The following WWOX variants were observed in gnomAD, a reference collection of about 807,000 sequenced individuals.
WWOX encodes the protein WW domain-containing oxidoreductase.
A neutral mutation model predicts 46.2 loss-of-function variants in WWOX; 69 were observed. That is an observed-to-expected ratio of 1.49 (90% confidence interval 1.23 to 1.82). The LOEUF (loss-of-function observed/expected upper bound fraction) is 1.82, where lower values mean the gene tolerates loss of function less well. WWOX is among the 40% of genes most tolerant of loss of function. The probability of loss-of-function intolerance (pLI) is 0.00; values close to 1 mark genes in which losing one functional copy is unlikely to be tolerated. For missense variants in WWOX, 919 were observed against 542.6 expected, an observed-to-expected ratio of 1.69 and a Z score of -6.89; for synonymous variants, 359 against 202.6, an observed-to-expected ratio of 1.77 and a Z score of -6.56.
intron 8 of WWOX, among the ~76,000 whole-genome samples, chr16:78,703,555 G>A (rs2048269925): frequency 6.6e-6 from 1 of 152,046 alleles, no homozygotes; most frequent in Non-Finnish European, 1.5e-5. Context: ...GGAGTTTGAG[G>A]CTGTAGTGAG....
At chr16:78,390,097 C>T (rs753729952) in intron 6 of WWOX, among the ~76,000 whole-genome samples, 39 of 152,142 alleles carry the variant, frequency 2.6e-4, no homozygotes, top group Admixed American at 1.1e-3. Context: ...GAGTGACTTT[C>T]GCAGGGTCAC....
At chr16:78,653,075 T>C (rs2738601) in intron 8 of WWOX, among the ~76,000 whole-genome samples, 1 of 152,332 alleles carries the variant, frequency 6.6e-6, no homozygotes, top group East Asian at 1.9e-4. Context: ...TAATATTTTG[T>C]TGCATGTTCT....
At chr16:78,901,717 G>T (rs1398390993) in intron 8 of WWOX, among the ~76,000 whole-genome samples, 2 of 152,160 alleles carry the variant, frequency 1.3e-5, no homozygotes, top group Non-Finnish European at 2.9e-5. Flanking sequence ...TTGAACTCCT[G>T]TGCTTAAGCG....
chr16:78,347,099 G>A (rs1440388024), intron 5 of WWOX, among the ~76,000 whole-genome samples: 1 of 118,694 alleles, frequency 8.4e-6, no homozygotes, highest in African/African-American at 2.9e-5. Context: ...ATACCACACA[G>A]TTTCATTTTT....
chr16:79,061,304 T>C (rs1283295783), intron 8 of WWOX, among the ~76,000 whole-genome samples: 2 of 152,200 alleles, frequency 1.3e-5, no homozygotes, highest in African/African-American at 2.4e-5. Context: ...TAGTATCTTA[T>C]TATATTAGCC....
intron 8 of WWOX, among the ~76,000 whole-genome samples, chr16:78,527,053 A>T (rs78670686): frequency 1.3e-5 from 2 of 152,156 alleles, no homozygotes; most frequent in African/African-American, 4.8e-5. Flanking sequence ...AATCCCTGCT[A>T]CACAGGAAGC....
At position 78,109,855 on chromosome 16, in the gene WWOX, C is replaced by G. The variant is rs566462389; in HGVS notation, c.230+20C>G. 1 of 1,613,918 alleles carries G rather than the reference C, an allele frequency of 6.2e-7. No homozygotes were observed. The highest frequency in any genetic ancestry group is 8.5e-7 in the Non-Finnish European group (1 of 1,179,904). ...TGTTGAGTAAGTGTCTGCAAAGAAA[C>G]CACTCTCAGCTGTTTTGCTTTTTAA... On this transcript the variant is annotated intron_variant, in intron 3 of 8. Coordinates refer to ENST00000566780, the MANE Select transcript of WWOX (RefSeq NM_016373.4).
At chr16:78,763,523 A>T (rs7198672) in intron 8 of WWOX, among the ~76,000 whole-genome samples, 1 of 151,938 alleles carries the variant, frequency 6.6e-6, no homozygotes, top group African/African-American at 2.4e-5. Context: ...AATTTTTTAC[A>T]TAGAGTATGA....
chr16:78,378,454 G>C (rs963373089), intron 5 of WWOX, among the ~76,000 whole-genome samples: 2 of 152,170 alleles, frequency 1.3e-5, no homozygotes, highest in East Asian at 3.9e-4. Context: ...GCATTTTCCA[G>C]TGAAGATGCG....
At chr16:78,898,402 C>T (rs2044750576) in intron 8 of WWOX, 1 of 152,198 alleles carries the variant, frequency 6.6e-6, no homozygotes, top group Admixed American at 6.5e-5. Flanking sequence ...AAAGACTAAT[C>T]CTCGCGCTAT....
rs183479769 is a variant in WWOX at position 78,418,303 on chromosome 16, G to C, written c.606-6567G>C. Among the ~76,000 whole-genome samples the C allele has an allele frequency of 5.2e-4, 79 of 152,026 alleles. No individual in the cohort carries two copies. The East Asian group carries it at 0.013, about 24-fold the overall frequency. On this transcript the variant is annotated intron_variant, in intron 6 of 8. Transcript: ENST00000566780. The stretch of plus-strand genomic sequence containing the variant: ...GGCGTGAACCCGGGAGGTGGAGCTT[G>C]CAGTGAGCCGAGATTGCACCACTGC...
intron 8 of WWOX, among the ~76,000 whole-genome samples, chr16:79,074,712 T>C (rs1423907697): frequency 6.6e-6 from 1 of 152,080 alleles, no homozygotes; most frequent in Non-Finnish European, 1.5e-5. Context: ...TTTATCCTCT[T>C]CTTCCCTCTA....
chr16:79,010,518 C>G (rs917494669), intron 8 of WWOX, among the ~76,000 whole-genome samples: 1 of 152,070 alleles, frequency 6.6e-6, no homozygotes, highest in Non-Finnish European at 1.5e-5. Flanking sequence ...AGGGAATAAG[C>G]CAGATTAAAG....
intron 5 of WWOX, among the ~76,000 whole-genome samples, chr16:78,299,242 G>C (rs1399918773): frequency 6.6e-6 from 1 of 152,138 alleles, no homozygotes; most frequent in Non-Finnish European, 1.5e-5. Context: ...ACATGTCTGT[G>C]TCACCTGGCA....
In WWOX at chr16:78,933,221, C is replaced by G. The variant is rs554987235; in HGVS notation, c.1057-278387C>G. Among the ~76,000 whole-genome samples the G allele has an allele frequency of 5.8e-4, 88 of 152,280 alleles. 1 individual carries two copies. Among genetic ancestry groups the G allele is most frequent in the Admixed American group, 3.9e-3 (60 of 15,296 alleles). On this transcript the variant is annotated intron_variant, in intron 8 of 8. Transcript: ENST00000566780. ...TGGCAGGCCAAGGCGGGTGGATCAC[C>G]TAAGGTCAGGAGTTCGAGACCAGCC...
At chr16:78,837,780 C>A (rs919279338) in intron 8 of WWOX, among the ~76,000 whole-genome samples, 2 of 152,032 alleles carry the variant, frequency 1.3e-5, no homozygotes, top group Non-Finnish European at 2.9e-5. Context: ...TCTATACTTC[C>A]TAGATTTGGG....
At chr16:78,801,229 G>A (rs1265286591) in intron 8 of WWOX, among the ~76,000 whole-genome samples, 5 of 152,048 alleles carry the variant, frequency 3.3e-5, no homozygotes, top group Non-Finnish European at 5.9e-5. Context: ...CCATTTTTGT[G>A]GTGGGCATGG....
Position 79,101,491 on chromosome 16 carries a change from A to T in WWOX, c.1057-110117A>T, listed in dbSNP as rs567619530. 3 of 152,100 alleles carry T rather than the reference A, an allele frequency of 2.0e-5. No homozygotes were observed. The East Asian group carries it at 5.8e-4, about 29-fold the overall frequency. The allele number at this position is 152,100 out of a possible 1,614,324, so 9.4% of individuals were successfully genotyped here. A position where few individuals can be genotyped will look rare whatever the true frequency, so the allele number is the denominator to read the frequency against. ...GGGAGAGATTCTTTCAAAAATGCCT[A>T]CTCCCTATTCCCATATCCCAGCCTA... On this transcript the variant is annotated intron_variant, in intron 8 of 8. Transcript: ENST00000566780.
At chr16:78,833,422 TCTCCTCCTC>T (rs56086314) in intron 8 of WWOX, among the ~76,000 whole-genome samples, 10 of 150,194 alleles carry the variant, frequency 6.7e-5, no homozygotes, top group South Asian at 4.2e-4. Flanking sequence ...GGCCCAGCCA[TCTCCTCCTC>T]CTCCTCCTCC....
Sources: gnomAD v4.1 joint callset for allele counts (sites outside exome capture counted in the v4.1 genomes callset) on GRCh38, gnomAD v4.1.1 for gene constraint, MANE v1.5 for transcripts, NCBI Gene and HGNC (gene_info 2026-07-23, HGNC 2026-07-21) for gene names.